The following NCOR2 variants were observed in gnomAD, a reference collection of about 807,000 sequenced individuals.
NCOR2 encodes CTG repeat protein 26.
A neutral mutation model predicts 262.9 loss-of-function variants in NCOR2; 81 were observed. That is an observed-to-expected ratio of 0.31 (90% confidence interval 0.26 to 0.37). The LOEUF is 0.37. Among genes scored for constraint, NCOR2 ranks in the 10% least tolerant of loss-of-function variants. The probability of loss-of-function intolerance (pLI) is 1.00; values close to 1 mark genes in which losing one functional copy is unlikely to be tolerated. For missense variants in NCOR2, 3,385 were observed against 3,621.4 expected (o/e 0.93, Z 1.68); for synonymous variants, 1,659 against 1,559.3 (o/e 1.06, Z -1.51).
rs148492837 is a variant in NCOR2 at position 124,503,144 on chromosome 12, G to A, written c.-117-7776C>T. Among the ~76,000 whole-genome samples, 16 of 152,320 alleles carry A rather than the reference G, an allele frequency of 1.1e-4. No individual in the cohort carries two copies. The highest frequency in any genetic ancestry group is 1.0e-3 in the South Asian group (5 of 4,830). Reference sequence around the variant, plus strand: ...GCAAGCCAAACCCATCCCAAACTCCGGTTGCTGACCCATTCTCATCAATTA... The same window carrying A: ...GCAAGCCAAACCCATCCCAAACTCCAGTTGCTGACCCATTCTCATCAATTA... On this transcript the variant is annotated intron_variant, in intron 1 of 46. Coordinates refer to the NCOR2 transcript ENST00000404621. The surrounding 1 kb of genome is among the most constrained non-coding windows in gnomAD (Gnocchi z 4.3).
intron 19 of NCOR2, 115 bp downstream of exon 21, chr12:124,374,298 C>T (rs1246569043): frequency 2.2e-5 from 23 of 1,047,262 alleles, no homozygotes; most frequent in East Asian, 5.1e-5. Flanking sequence ...CAAACGGTGG[C>T]GCTCACAGAA....
chr12:124,431,948 G>A (rs1257035646), intron 8 of NCOR2, among the ~76,000 whole-genome samples: 1 of 151,012 alleles, frequency 6.6e-6, no homozygotes. Context: ...GGTCACACAG[G>A]CAGACAGACA....
rs1269376269 is a variant in NCOR2 at position 124,523,647 on chromosome 12, A to AAC, written c.-118+11917_-118+11918insGT. ...CATAGCTGATGAACTAAAAAAAAAAAAAACAAAAAACCGAAAAACAATCTG... is the reference window on the plus strand; with the variant it reads ...CATAGCTGATGAACTAAAAAAAAAAAACAAACAAAAAACCGAAAAACAATCTG... On this transcript the variant is annotated intron_variant, in intron 1 of 46. Transcript: ENST00000404621. The surrounding 1 kb of genome is among the most constrained non-coding windows in gnomAD (Gnocchi z 4.0). Among the ~76,000 whole-genome samples, 1 of 151,862 alleles carries AAC rather than the reference A, an allele frequency of 6.6e-6. No individual in the cohort carries two copies. Among genetic ancestry groups the AAC allele is most frequent in the Non-Finnish European group, 1.5e-5 (1 of 67,948 alleles).
At chr12:124,404,592 A>G (rs1276457648) in intron 13 of NCOR2, among the ~76,000 whole-genome samples, 1 of 152,196 alleles carries the variant, frequency 6.6e-6, no homozygotes, top group Non-Finnish European at 1.5e-5. Flanking sequence ...CACACCCATC[A>G]GGCCGCAGGC....
At chr12:124,421,996 G>A (rs554478575) in intron 12 of NCOR2, among the ~76,000 whole-genome samples, 2 of 152,372 alleles carry the variant, frequency 1.3e-5, no homozygotes, top group East Asian at 1.9e-4. Flanking sequence ...CAGGCCACAC[G>A]TCTGGTTTGG....
intron 5 of NCOR2, among the ~76,000 whole-genome samples, chr12:124,461,471 T>C (rs1320391756): frequency 6.6e-6 from 1 of 152,226 alleles, no homozygotes. Flanking sequence ...AGGCCTCCCA[T>C]GCCCAAAAAG....
chr12:124,481,328 G>A lies in NCOR2; in HGVS notation c.411+2268C>T, dbSNP rs562932770. ...AGTCCCAAGCCCAGACCCAAGTGCAGGCGGCCCAAGCCCCAGGCCACAGAG... is the reference window on the plus strand; with the variant it reads ...AGTCCCAAGCCCAGACCCAAGTGCAAGCGGCCCAAGCCCCAGGCCACAGAG... On this transcript the variant is annotated intron_variant, in intron 3 of 46. Transcript: ENST00000405201. This position sits in a 1 kb window ranked among gnomAD's most constrained non-coding sequence, Gnocchi z 4.6. Among the ~76,000 whole-genome samples the A allele has an allele frequency of 6.6e-6, 1 of 152,208 alleles. No individual in the cohort carries two copies. Among genetic ancestry groups the A allele is most frequent in the African/African-American group, 2.4e-5 (1 of 41,536 alleles).
Position 124,482,038 on chromosome 12 carries a change from G to A in NCOR2, c.411+1558C>T, listed in dbSNP as rs1026234223. Among the ~76,000 whole-genome samples, 1 of 152,170 alleles carries A rather than the reference G, an allele frequency of 6.6e-6. No homozygotes were observed. Among genetic ancestry groups the A allele is most frequent in the African/African-American group, 2.4e-5 (1 of 41,420 alleles). On this transcript the variant is annotated intron_variant, in intron 3 of 46. Transcript: ENST00000405201. This position sits in a 1 kb window ranked among gnomAD's most constrained non-coding sequence, Gnocchi z 6.3. ...CTGGAAGTACGCAGGAGAGCAGGGA[G>A]GTGGCCAGGGTGGAGTCCCTGAGTG...
intron 28 of NCOR2, among the ~76,000 whole-genome samples, chr12:124,349,380 T>A (rs1245113400): frequency 6.6e-6 from 1 of 152,172 alleles, no homozygotes; most frequent in African/African-American, 2.4e-5. Context: ...CATTGCTTCG[T>A]GTGGCCCACG....
intron 6 of NCOR2, among the ~76,000 whole-genome samples, chr12:124,455,718 C>A (rs1380968476): frequency 6.6e-6 from 1 of 152,244 alleles, no homozygotes; most frequent in Non-Finnish European, 1.5e-5. Flanking sequence ...GCAGCACTGC[C>A]TTTAACCCTG....
At chr12:124,353,148 C>A (rs750647724) in intron 27 of NCOR2, among the ~76,000 whole-genome samples, 3 of 152,188 alleles carry the variant, frequency 2.0e-5, no homozygotes, top group Non-Finnish European at 2.9e-5. Flanking sequence ...CGGGTCATGG[C>A]CACTCAGGAA....
exon 37 of NCOR2, chr12:124,340,186 C>CCGCTGCTGT (rs1436096823): frequency 3.1e-6 from 5 of 1,609,212 alleles, no homozygotes; most frequent in Non-Finnish European, 4.2e-6. Flanking sequence ...GCCGCTGCTG[C>CCGCTGCTGT]CGCTGCTCTG....
chr12:124,337,133 G>A, exon 38 of NCOR2: 1 of 1,514,962 alleles, frequency 6.6e-7, no homozygotes, highest in Non-Finnish European at 8.9e-7. Flanking sequence ...GTGGGTGGCA[G>A]GTGGGAATGT....
intron 1 of NCOR2, among the ~76,000 whole-genome samples, chr12:124,515,283 G>A (rs542327208): frequency 2.0e-5 from 3 of 152,078 alleles, no homozygotes; most frequent in South Asian, 2.1e-4. Flanking sequence ...CAGGAGAATC[G>A]CTTGAACTCA....
chr12:124,485,679 CTGGGACACCTCCG>C lies in NCOR2; in HGVS notation c.233+749_233+761del, dbSNP rs1241184221. Among the ~76,000 whole-genome samples, 3 of 152,202 alleles carry C rather than the reference CTGGGACACCTCCG, an allele frequency of 2.0e-5. No homozygotes were observed. In the East Asian group the frequency reaches 5.8e-4, roughly 29 times the overall value. On this transcript the variant is annotated intron_variant, in intron 2 of 46. Coordinates refer to ENST00000405201, the Ensembl canonical transcript of NCOR2. Reference sequence around the variant, plus strand: ...CACCAGCCCCGCCTGATCTGGGGCCCTGGGACACCTCCGTGGTACCATGAAGGGCTGGGGCCTG... The same window carrying C: ...CACCAGCCCCGCCTGATCTGGGGCCCTGGTACCATGAAGGGCTGGGGCCTG...
At chr12:124,439,619 GAC>G (rs985938139) in intron 7 of NCOR2, among the ~76,000 whole-genome samples, 1 of 152,066 alleles carries the variant, frequency 6.6e-6, no homozygotes, top group African/African-American at 2.4e-5. Context: ...GAGAAGGGGA[GAC>G]ACAGAGACGG....
At chr12:124,416,029 A>G (rs1427262238) in intron 13 of NCOR2, among the ~76,000 whole-genome samples, 1 of 152,118 alleles carries the variant, frequency 6.6e-6, no homozygotes, top group Non-Finnish European at 1.5e-5. Flanking sequence ...GTTTCACATA[A>G]AACTGGATTT....
rs777921161 is a variant in NCOR2, at chr12:124,402,535, CTGCTGCTGCTGCTGT to C, written c.1494_1508del (p.Gln506_Gln510del). On this transcript the variant is annotated inframe_deletion, in exon 14 of 47. Transcript: ENST00000405201. ...TGGGCTGCTGCTGCTGCTGCTGCTG[CTGCTGCTGCTGCTGT>C]TGTTGCTGCTGCTGTCAGACCCCGG... The C allele has an allele frequency of 2.5e-6, 4 of 1,570,186 alleles. No individual in the cohort carries two copies. The South Asian group carries it at 3.5e-5, about 14-fold the overall frequency.
At chr12:124,478,526 A>T (rs1269903646) in intron 3 of NCOR2, among the ~76,000 whole-genome samples, 1 of 152,138 alleles carries the variant, frequency 6.6e-6, no homozygotes, top group Non-Finnish European at 1.5e-5. Context: ...TTCCTGCCTC[A>T]GGCGCCCAGC....
Sources: gnomAD v4.1 joint callset for allele counts (sites outside exome capture counted in the v4.1 genomes callset) on GRCh38, gnomAD v4.1.1 for gene constraint, Gnocchi (gnomAD v3.1) non-coding constraint, MANE v1.5 for transcripts, NCBI Gene and HGNC (gene_info 2026-07-23, HGNC 2026-07-21) for gene names.